Variants in ZNF215 observed in about 807,000 individuals in gnomAD.
ZNF215 encodes zinc finger protein 215, also known as BWSCR2-associated zinc finger protein 2.
Under a neutral mutation model 27.2 loss-of-function variants are expected in ZNF215, and 24 were observed. The observed-to-expected ratio is 0.88, with a 90% CI of 0.64 to 1.24. The LOEUF (loss-of-function observed/expected upper bound fraction) is 1.24, where lower values mean the gene tolerates loss of function less well. Among genes scored for constraint, ZNF215 ranks in the 50% most tolerant of loss-of-function variants. The pLI is 0.00. For missense variants in ZNF215, 675 were observed against 605.7 expected (o/e 1.11, Z -1.20); for synonymous variants, 210 against 204.0 (o/e 1.03, Z -0.25).
chr11:6,983,053 C>T (rs1850992172), intron 5 of ZNF215, among the ~76,000 whole-genome samples: 1 of 150,990 alleles, frequency 6.6e-6, no homozygotes, highest in Non-Finnish European at 1.5e-5. Context: ...CAAATAGATG[C>T]AATAAAAAAT....
At chr11:6,989,744 A>C (rs1405358740), downstream of ZNF215, among the ~76,000 whole-genome samples, 1 of 152,194 alleles carries the variant, frequency 6.6e-6, no homozygotes, top group South Asian at 2.1e-4. Context: ...GGGTCACAGA[A>C]GAGTTGGCTC....
intron 2 of ZNF215, 140 bp from the exon 3 acceptor site, chr11:6,931,954 T>G: frequency 4.7e-6 from 1 of 210,558 alleles, no homozygotes; most frequent in Non-Finnish European, 9.5e-6. Context: ...GAAAGCATAT[T>G]TTCTAGTTCT....
chr11:6,993,525 C>G (rs911210038), downstream of ZNF215, among the ~76,000 whole-genome samples: 42 of 151,920 alleles, frequency 2.8e-4, no homozygotes, highest in Middle Eastern at 3.4e-3. Flanking sequence ...TTTTTATACC[C>G]CCTCTCACTT....
In ZNF215 at chr11:6,940,085, T is replaced by C. The variant is rs536110946; in HGVS notation, c.401-1486T>C. 2.0e-5 allele frequency among the ~76,000 whole-genome samples: 3 copies of C among 151,646 alleles called. 1 individual carries two copies. The highest frequency in any genetic ancestry group is 1.3e-4 in the Admixed American group (2 of 15,242). On this transcript the variant is annotated intron_variant, in intron 3 of 6. Coordinates refer to ENST00000278319, the MANE Select transcript of ZNF215 (RefSeq NM_013250.4). ...AGAAAAAAAAAGAAAAAAAAAACAT[T>C]ATCCAAGTATGGTGGCACATGCCTG...
chr11:6,991,226 C>G (rs1446851371), downstream of ZNF215, among the ~76,000 whole-genome samples: 2 of 152,218 alleles, frequency 1.3e-5, no homozygotes, highest in East Asian at 3.9e-4. Flanking sequence ...CTTACTATTT[C>G]TTTGCCTGCG....
intron 2 of ZNF215, among the ~76,000 whole-genome samples, chr11:6,929,686 G>A (rs1252773148): frequency 1.3e-5 from 2 of 152,254 alleles, no homozygotes; most frequent in East Asian, 3.9e-4. Context: ...GCTACATACT[G>A]CCAACATGAC....
intron 5 of ZNF215, among the ~76,000 whole-genome samples, chr11:6,966,182 A>G (rs1052228661): frequency 2.0e-5 from 3 of 152,178 alleles, no homozygotes; most frequent in Non-Finnish European, 2.9e-5. Context: ...CAGCCATAAA[A>G]AAGAATGAAA....
Position 6,956,744 on chromosome 11 carries a change from G to T in ZNF215, c.*213G>T. 1 of 1,349,560 alleles carries T rather than the reference G, an allele frequency of 7.4e-7. No individual in the cohort carries two copies. Among genetic ancestry groups the T allele is most frequent in the Admixed American group, 3.6e-5 (1 of 27,582 alleles). 83.6% of individuals were successfully genotyped at this position (1,349,560 alleles called of 1,614,324 possible). On this transcript the variant is annotated 3_prime_UTR_variant, in exon 7 of 7. Coordinates refer to ENST00000278319, the MANE Select transcript of ZNF215 (RefSeq NM_013250.4). ...CCTGGTTTTCAGATGAAGCCATAAG[G>T]CTTTGGAGTTAAACCACAGTATCAC...
At chr11:6,967,976 G>A (rs1269246556) in intron 5 of ZNF215, among the ~76,000 whole-genome samples, 1 of 152,188 alleles carries the variant, frequency 6.6e-6, no homozygotes, top group African/African-American at 2.4e-5. Flanking sequence ...GTGTAAGGAA[G>A]GGGTCTAGTT....
chr11:6,991,907 G>A (rs150552413), downstream of ZNF215, among the ~76,000 whole-genome samples: 2 of 152,284 alleles, frequency 1.3e-5, no homozygotes, highest in East Asian at 3.9e-4. Flanking sequence ...GGCTCTACTG[G>A]CATCTCCCCG....
intron 3 of ZNF215, among the ~76,000 whole-genome samples, chr11:6,938,219 G>A (rs375040097): frequency 4.8e-4 from 73 of 152,016 alleles, no homozygotes; most frequent in African/African-American, 1.6e-3. Flanking sequence ...TATACAAATG[G>A]CCAAAAAGTA....
rs1010951207 is a variant in ZNF215 at position 6,937,068 on chromosome 11, C to T, written c.400+4396C>T. ...CACTTCTATTCAATGTCATACTAAA[C>T]GTTCTAGCTAGTGCAATTAGGCAAG... On this transcript the variant is annotated intron_variant, in intron 3 of 6. Transcript: ENST00000278319. 3.9e-5 allele frequency among the ~76,000 whole-genome samples: 6 copies of T among 151,990 alleles called. 1 individual carries two copies. The highest frequency in any genetic ancestry group is 6.8e-3 in the Middle Eastern group (2 of 294).
chr11:6,990,006 A>G (rs1372686504), downstream of ZNF215, among the ~76,000 whole-genome samples: 1 of 152,186 alleles, frequency 6.6e-6, no homozygotes, highest in Non-Finnish European at 1.5e-5. Flanking sequence ...ATGCAATCAG[A>G]TAATGCCTCC....
At chr11:6,985,740 T>C (rs1156469556), downstream of ZNF215, among the ~76,000 whole-genome samples, 1 of 152,084 alleles carries the variant, frequency 6.6e-6, no homozygotes, top group Non-Finnish European at 1.5e-5. Context: ...TATATACCAA[T>C]AACATTTAAG....
At chr11:6,938,158 A>T (rs73399490) in intron 3 of ZNF215, among the ~76,000 whole-genome samples, 15,447 of 151,942 alleles carry the variant, frequency 0.1, 1,380 homozygotes, top group African/African-American at 0.24. Flanking sequence ...AAGATAAGGA[A>T]CAGTTTTTTA....
In ZNF215 at chr11:6,932,390, G is replaced by C. The variant is rs1827117648; in HGVS notation, c.118G>C (p.Glu40Gln). Residue 40 changes from glutamate (E) to glutamine (Q), a missense_variant, in exon 3 of 7, where the codon GAG (glutamate) becomes CAG (glutamine). Glu to Gln is a conservative substitution (Grantham distance 29). Coordinates refer to ENST00000278319, the MANE Select transcript of ZNF215 (RefSeq NM_013250.4). ...GCAGCAGGAAACCAACCCCGTCGTGGAGACACATGACTCTGAGGCATCTCG... is the reference window on the plus strand; with the variant it reads ...GCAGCAGGAAACCAACCCCGTCGTGCAGACACATGACTCTGAGGCATCTCG... The part of the protein sequence containing the change: ...SWQQETNPVV[E>Q]THDSEASRQK... The C allele has an allele frequency of 6.2e-7, 1 of 1,614,116 alleles. No homozygotes were observed. The highest frequency in any genetic ancestry group is 8.5e-7 in the Non-Finnish European group (1 of 1,180,018).
At chr11:6,970,033 G>C (rs1162900732) in intron 5 of ZNF215, among the ~76,000 whole-genome samples, 2 of 152,088 alleles carry the variant, frequency 1.3e-5, no homozygotes, top group African/African-American at 4.8e-5. Flanking sequence ...CCGCCTGCCT[G>C]GGCCTCCCAT....
rs747708347 is a variant in ZNF215 at position 6,932,533 on chromosome 11, T to G, written c.261T>G (p.Ile87Met). 6.8e-6 allele frequency: 11 copies of G among 1,614,170 alleles called. No homozygotes were observed. Among genetic ancestry groups the G allele is most frequent in the Non-Finnish European group, 9.3e-6 (11 of 1,180,034 alleles). Residue 87 changes from isoleucine (I) to methionine (M), a missense_variant, in exon 3 of 7, where the codon ATT (isoleucine) becomes ATG (methionine). Ile to Met is a conservative substitution (Grantham distance 10). Transcript: ENST00000278319. ...LRPEIHTKKQ[I>M]IELLVLEQFL... Reference sequence around the variant, plus strand: ...CAGAGATTCATACAAAGAAGCAGATTATAGAACTGTTGGTGCTGGAACAAT... The same window carrying G: ...CAGAGATTCATACAAAGAAGCAGATGATAGAACTGTTGGTGCTGGAACAAT...
chr11:6,941,742 A>G, intron 4 of ZNF215, 89 bp downstream of exon 4: 1 of 1,339,036 alleles, frequency 7.5e-7, no homozygotes, highest in East Asian at 2.5e-5. Context: ...ACTTGTGCCA[A>G]ACATGGTTCC....
Sources: gnomAD v4.1 joint callset for allele counts (sites outside exome capture counted in the v4.1 genomes callset) on GRCh38, gnomAD v4.1.1 for gene constraint, MANE v1.5 for transcripts, NCBI Gene and HGNC (gene_info 2026-07-23, HGNC 2026-07-21) for gene names.